The following PGAM5 variants were observed in gnomAD, a reference collection of about 807,000 sequenced individuals.
PGAM5 encodes PGAM family member 5, mitochondrial serine/threonine protein phosphatase, also known as serine/threonine-protein phosphatase PGAM5, mitochondrial.
Under a neutral mutation model 30.6 loss-of-function variants are expected in PGAM5, and 25 were observed. The ratio of observed to expected loss-of-function variants is 0.82; its 90% CI spans 0.60 to 1.14. The LOEUF is 1.14. PGAM5 is among the 50% of genes most tolerant of loss of function. PGAM5 has a pLI of 0.00. For synonymous variants in PGAM5, 201 were observed against 179.1 expected (o/e 1.12, Z -0.98); for missense variants, 384 against 408.5 (o/e 0.94, Z 0.52).
In PGAM5 at chr12:132,721,000, A is replaced by G; in HGVS notation, c.*172A>G. ...GGATCAGACAGCCTGACTTCTCTGC[A>G]GGGTTTTATACCTGACCATGAACCC... On this transcript the variant is annotated 3_prime_UTR_variant, in exon 6 of 6. Transcript: ENST00000498926. The G allele has an allele frequency of 1.2e-6, 1 of 803,778 alleles. No individual in the cohort carries two copies. The highest frequency in any genetic ancestry group is 1.9e-6 in the Non-Finnish European group (1 of 527,762). The allele number at this position is 803,778 out of a possible 1,614,324, so 49.8% of individuals were successfully genotyped here.
chr12:132,718,184 A>G, intron 5 of PGAM5, 64 bp downstream of exon 5: 3 of 1,595,640 alleles, frequency 1.9e-6, no homozygotes, highest in Non-Finnish European at 2.6e-6. Flanking sequence ...AGCATGAGGA[A>G]GAAGCCGAGC....
rs563461670 is a variant in PGAM5 at position 132,722,178 on chromosome 12, C to T, written c.*1350C>T. The T allele has an allele frequency of 6.6e-6, 1 of 151,954 alleles. No individual in the cohort carries two copies. The highest frequency in any genetic ancestry group is 1.9e-4 in the East Asian group (1 of 5,174). The allele number at this position is 151,954 out of a possible 1,614,324, so 9.4% of individuals were successfully genotyped here. A position where few individuals can be genotyped will look rare whatever the true frequency, so the allele number is the denominator to read the frequency against. On this transcript the variant is annotated 3_prime_UTR_variant, in exon 6 of 6. Coordinates refer to ENST00000498926, the MANE Select transcript of PGAM5 (RefSeq NM_001170543.2). ...GTTACCCTTATTGAGTAAAATACTT[C>T]AGATTGACAGCTCAATCTTAGTTTG...
chr12:132,718,866 C>T lies in PGAM5; in HGVS notation c.719+746C>T, dbSNP rs368156263. On this transcript the variant is annotated intron_variant, in intron 5 of 5. Coordinates refer to ENST00000498926, the MANE Select transcript of PGAM5 (RefSeq NM_001170543.2). ...CCACCCGTGTGCCAGCGTGACGGCT[C>T]GGGGTGTCCGCTCCCCTCTGGGTCG... The T allele has an allele frequency of 5.1e-5, 83 of 1,611,772 alleles. No individual in the cohort carries two copies. The African/African-American group carries it at 8.8e-4, about 17-fold the overall frequency.
Position 132,722,573 on chromosome 12 carries a change from G to A in PGAM5, c.*1745G>A, listed in dbSNP as rs572531106. The A allele has an allele frequency of 2.0e-5, 3 of 152,154 alleles. No homozygotes were observed. The highest frequency in any genetic ancestry group is 2.1e-4 in the South Asian group (1 of 4,818). 9.4% of individuals were successfully genotyped at this position (152,154 alleles called of 1,614,324 possible). A position where few individuals can be genotyped will look rare whatever the true frequency, so the allele number is the denominator to read the frequency against. ...AGGGATTAAAATATTCAAACATGTTGTGTGTACCCAGATATGCTGTTAATT... is the reference window on the plus strand; with the variant it reads ...AGGGATTAAAATATTCAAACATGTTATGTGTACCCAGATATGCTGTTAATT... On this transcript the variant is annotated 3_prime_UTR_variant, in exon 6 of 6. Transcript: ENST00000498926.
chr12:132,719,031 C>G, intron 5 of PGAM5: 1 of 1,430,958 alleles, frequency 7.0e-7, no homozygotes, highest in Non-Finnish European at 9.1e-7. Flanking sequence ...ACCCTGCAAT[C>G]AGCCACTTCT....
chr12:132,711,216 C>T (rs762863325), intron 1 of PGAM5, 149 bp downstream of exon 1: 1 of 584,928 alleles, frequency 1.7e-6, no homozygotes, highest in Non-Finnish European at 2.4e-6. Flanking sequence ...AGCCGCTTTC[C>T]GGGGCCGCTC....
intron 1 of PGAM5, among the ~76,000 whole-genome samples, chr12:132,713,322 A>G (rs1218585510): frequency 6.6e-6 from 1 of 152,222 alleles, no homozygotes; most frequent in Non-Finnish European, 1.5e-5. Flanking sequence ...AACTACAGGA[A>G]GGTGCTAGAA....
rs867790977 is a variant in PGAM5 at position 132,717,770 on chromosome 12, C to A, written c.557C>A (p.Pro186His). ...GGCGCCCCCATCGAGCCAGACCCGC[C>A]CGTGTCTCATTGGAAGCCGGAAGCT... ...REGAPIEPDP[P>H]VSHWKPEAVQ... Residue 186 changes from proline to histidine, a missense_variant, in exon 4 of 6, where the codon CCC becomes CAC. By Grantham distance (77) the Pro-to-His change is moderately conservative. Transcript: ENST00000498926. 1 of 1,588,232 alleles carries A rather than the reference C, an allele frequency of 6.3e-7. No individual in the cohort carries two copies.
chr12:132,714,095 G>A (rs1186767196), intron 1 of PGAM5, among the ~76,000 whole-genome samples: 2 of 152,130 alleles, frequency 1.3e-5, no homozygotes, highest in Non-Finnish European at 2.9e-5. Context: ...TCGGCTCTCT[G>A]CAACCTCCGC....
intron 2 of PGAM5, among the ~76,000 whole-genome samples, chr12:132,715,714 A>G (rs1260109844): frequency 6.6e-6 from 1 of 152,186 alleles, no homozygotes; most frequent in Non-Finnish European, 1.5e-5. Flanking sequence ...CCTCGTCACT[A>G]CTAAAAGTAC....
In PGAM5 at chr12:132,717,979, G is replaced by A; in HGVS notation, c.586-8G>A. 1 of 1,612,504 alleles carries A rather than the reference G, an allele frequency of 6.2e-7. No homozygotes were observed. On this transcript the variant is annotated splice_polypyrimidine_tract_variant and splice_region_variant and intron_variant, in intron 4 of 5. Transcript: ENST00000498926. ...TTCCGCACTGACGGCTCCTCACTCT[G>A]CCCCCAGCAGTATTACGAAGACGGA...
chr12:132,721,207 AG>A lies in PGAM5; in HGVS notation c.*382del, dbSNP rs559361982. 1.4e-3 allele frequency: 246 copies of A among 172,174 alleles called. 1 individual carries two copies. The highest frequency in any genetic ancestry group is 5.0e-3 in the African/African-American group (213 of 42,354). The allele number at this position is 172,174 out of a possible 1,614,324, so 10.7% of individuals were successfully genotyped here. ...GGGCGACTGAGGCACGTGGATGAGG[AG>A]GGCACCCAGGTTCTGTTCACAACTC... On this transcript the variant is annotated 3_prime_UTR_variant, in exon 6 of 6. Coordinates refer to ENST00000498926, the MANE Select transcript of PGAM5 (RefSeq NM_001170543.2).
At position 132,717,574 on chromosome 12, in the gene PGAM5, G is replaced by T. The variant is rs763536814; in HGVS notation, c.496+10G>T. On this transcript the variant is annotated intron_variant, in intron 3 of 5. Coordinates refer to ENST00000498926, the MANE Select transcript of PGAM5 (RefSeq NM_001170543.2). ...AGCCGGCACCTGCCAGGTGAGTGCT[G>T]CGCGCGGGGCCTCCATGCTTGCAGC... The T allele has an allele frequency of 1.2e-6, 2 of 1,610,044 alleles. No individual in the cohort carries two copies. Among genetic ancestry groups the T allele is most frequent in the Non-Finnish European group, 1.7e-6 (2 of 1,179,516 alleles).
At chr12:132,716,373 C>G (rs968669190) in intron 2 of PGAM5, among the ~76,000 whole-genome samples, 1 of 152,048 alleles carries the variant, frequency 6.6e-6, no homozygotes, top group Admixed American at 6.5e-5. Flanking sequence ...GCGTGAGCCA[C>G]CACACCCAGC....
At chr12:132,711,273 T>C (rs568957632) in intron 1 of PGAM5, 36 of 324,034 alleles carry the variant, frequency 1.1e-4, no homozygotes, top group East Asian at 1.0e-3. Flanking sequence ...CCGGCTTCTG[T>C]GGCCGAGCTC....
In PGAM5 at chr12:132,721,078, G is replaced by A. The variant is rs1593123478; in HGVS notation, c.*250G>A. The A allele has an allele frequency of 5.4e-6, 2 of 372,132 alleles. No individual in the cohort carries two copies. The highest frequency in any genetic ancestry group is 9.7e-6 in the Non-Finnish European group (2 of 205,860). The allele number at this position is 372,132 out of a possible 1,614,324, so 23.1% of individuals were successfully genotyped here. On this transcript the variant is annotated 3_prime_UTR_variant, in exon 6 of 6. Transcript: ENST00000498926. ...AGCGTCTCACGCACAAGTCAGGCCT[G>A]TTGTGGGGACTTGAAAGAGGCCTGA...
At chr12:132,715,955 C>T (rs1203390532) in intron 2 of PGAM5, among the ~76,000 whole-genome samples, 1 of 152,200 alleles carries the variant, frequency 6.6e-6, no homozygotes, top group Admixed American at 6.5e-5. Flanking sequence ...GTGCATATCC[C>T]AGCAGTGATT....
Position 132,718,055 on chromosome 12 carries a change from G to C in PGAM5, c.654G>C (p.Arg218Ser), listed in dbSNP as rs550969856. The change falls in exon 5 of 6, where the codon AGG (arginine) becomes AGC (serine). Residue 218 changes from arginine (R) to serine (S), a missense_variant. Coordinates refer to ENST00000498926, the MANE Select transcript of PGAM5 (RefSeq NM_001170543.2). Reference sequence around the variant, plus strand: ...ACTACATCCACCGCGCAGATGCCAGGCAGGAGGAGGACAGTTACGAGATCT... The same window carrying C: ...ACTACATCCACCGCGCAGATGCCAGCCAGGAGGAGGACAGTTACGAGATCT... The part of the protein sequence containing the change: ...FRNYIHRADA[R>S]QEEDSYEIFI... The C allele has an allele frequency of 6.9e-5, 112 of 1,612,866 alleles. 2 individuals carry two copies. The South Asian group carries it at 1.2e-3, about 17-fold the overall frequency.
chr12:132,717,365 C>T (rs56181228), intron 2 of PGAM5, 74 bp from the exon 3 acceptor site: 54 of 1,339,998 alleles, frequency 4.0e-5, no homozygotes, highest in South Asian at 6.3e-5. Context: ...GGCGTGTTTG[C>T]GGGCGGAGGA....
Sources: allele counts gnomAD v4.1 joint callset (sites outside exome capture counted in the v4.1 genomes callset), GRCh38; gene constraint gnomAD v4.1.1; transcripts MANE v1.5; gene names NCBI Gene and HGNC (gene_info 2026-07-23, HGNC 2026-07-21).